PSTPIP2: variants seen among roughly 807,000 people sequenced by gnomAD.
The protein encoded by PSTPIP2 is proline-serine-threonine phosphatase interacting protein 2.
In PSTPIP2, 33 loss-of-function variants were observed where a neutral mutation model predicts 63.3. The observed-to-expected ratio is 0.52, with a 90% CI of 0.40 to 0.70. The LOEUF (loss-of-function observed/expected upper bound fraction) is 0.70, where lower values mean the gene tolerates loss of function less well. Ranked by LOEUF, PSTPIP2 falls within the 30% of genes least tolerant of loss-of-function variation. The pLI, the probability that PSTPIP2 is intolerant of heterozygous loss-of-function variation, is 0.00. For synonymous variants in PSTPIP2, 125 were observed against 132.7 expected (o/e 0.94, Z 0.40); for missense variants, 312 against 400.7 (o/e 0.78, Z 1.89).
chr18:46,039,357 A>T (rs1359432058), intron 2 of PSTPIP2, among the ~76,000 whole-genome samples: 1 of 152,154 alleles, frequency 6.6e-6, no homozygotes, highest in Admixed American at 6.5e-5. Context: ...GATCGGCTTC[A>T]CAGCTTTCCC....
At chr18:46,012,934 C>T (rs1555688464) in intron 4 of PSTPIP2, among the ~76,000 whole-genome samples, 2 of 152,160 alleles carry the variant, frequency 1.3e-5, no homozygotes, top group Non-Finnish European at 2.9e-5. Flanking sequence ...TATAATACTA[C>T]TTATGTATAT....
intron 2 of PSTPIP2, among the ~76,000 whole-genome samples, chr18:46,031,857 C>T (rs896020052): frequency 6.6e-6 from 1 of 152,020 alleles, no homozygotes; most frequent in Admixed American, 6.6e-5. Context: ...CTCCTAGAAC[C>T]CGGGAAGTAA....
At chr18:46,040,095 C>T in intron 1 of PSTPIP2, 48 bp from the exon 2 acceptor site, 1 of 1,431,670 alleles carries the variant, frequency 7.0e-7, no homozygotes, top group Non-Finnish European at 9.6e-7. Context: ...AAGGCAGCCC[C>T]CAAGGCCGGA....
At chr18:45,994,185 G>A (rs2051567909) in intron 9 of PSTPIP2, among the ~76,000 whole-genome samples, 1 of 151,942 alleles carries the variant, frequency 6.6e-6, no homozygotes, top group Admixed American at 6.6e-5. Flanking sequence ...CTTAAAAAAA[G>A]GGTTAAAATA....
chr18:45,991,830 GTC>G, intron 12 of PSTPIP2, 70 bp downstream of exon 12: 1 of 1,403,010 alleles, frequency 7.1e-7, no homozygotes, highest in Non-Finnish European at 9.9e-7. Context: ...ATTCTAACAT[GTC>G]TTAGAACATT....
intron 1 of PSTPIP2, 59 bp downstream of exon 1, chr18:46,072,097 G>A: frequency 6.6e-7 from 1 of 1,508,790 alleles, no homozygotes; most frequent in Non-Finnish European, 8.9e-7. Context: ...CCGCCGCGTT[G>A]GCCTCCCGCC....
chr18:46,013,158 A>T (rs984937712), intron 4 of PSTPIP2, among the ~76,000 whole-genome samples: 21 of 152,078 alleles, frequency 1.4e-4, no homozygotes, highest in African/African-American at 4.3e-4. Context: ...AAAATGATTT[A>T]GGGGACCCAG....
intron 1 of PSTPIP2, among the ~76,000 whole-genome samples, chr18:46,062,809 C>T (rs899472043): frequency 3.9e-5 from 6 of 152,072 alleles, no homozygotes; most frequent in South Asian, 4.1e-4. Flanking sequence ...GCCACCATCC[C>T]GGCAGGTAAA....
chr18:46,042,324 G>C (rs1908222659), intron 1 of PSTPIP2, among the ~76,000 whole-genome samples: 1 of 152,100 alleles, frequency 6.6e-6, no homozygotes, highest in South Asian at 2.1e-4. Flanking sequence ...GAAGCTCTCA[G>C]CAGCAGCTCT....
chr18:46,038,794 G>A (rs1280758222), intron 2 of PSTPIP2, among the ~76,000 whole-genome samples: 2 of 152,206 alleles, frequency 1.3e-5, no homozygotes, highest in African/African-American at 4.8e-5. Flanking sequence ...GGCTCAAGGA[G>A]ACAGGCCTCA....
At chr18:46,022,909 T>C (rs1216149126) in intron 3 of PSTPIP2, among the ~76,000 whole-genome samples, 5 of 152,122 alleles carry the variant, frequency 3.3e-5, no homozygotes, top group Admixed American at 1.3e-4. Flanking sequence ...ATGTGGTACA[T>C]ATACACCATG....
chr18:46,000,730 C>T (rs1202532484), intron 6 of PSTPIP2, among the ~76,000 whole-genome samples: 4 of 152,186 alleles, frequency 2.6e-5, no homozygotes, highest in Non-Finnish European at 5.9e-5. Flanking sequence ...CATGGTCTAT[C>T]GTGTGCTACC....
chr18:46,035,530 T>C (rs2144106677), intron 2 of PSTPIP2, among the ~76,000 whole-genome samples: 1 of 151,950 alleles, frequency 6.6e-6, no homozygotes, highest in Admixed American at 6.5e-5. Context: ...AAAGGAGGAC[T>C]TTCTAGGTGG....
At chr18:45,991,238 A>G (rs1435163175) in intron 12 of PSTPIP2, among the ~76,000 whole-genome samples, 2 of 152,226 alleles carry the variant, frequency 1.3e-5, no homozygotes, top group African/African-American at 2.4e-5. Context: ...TGAAAATTCA[A>G]AAGCTTAGAC....
chr18:46,070,471 T>C (rs1568236651), intron 1 of PSTPIP2, among the ~76,000 whole-genome samples: 3 of 152,232 alleles, frequency 2.0e-5, no homozygotes, highest in African/African-American at 2.4e-5. Context: ...GTGCTAAAAC[T>C]GTGGCTAAAT....
intron 2 of PSTPIP2, chr18:46,029,566 T>A (rs991246482): frequency 6.3e-6 from 5 of 790,412 alleles, no homozygotes; most frequent in Non-Finnish European, 1.2e-5. Context: ...TAATCAAGAT[T>A]CTTGTCTCGA....
chr18:46,068,737 A>G (rs1246856533), intron 1 of PSTPIP2, among the ~76,000 whole-genome samples: 2 of 152,154 alleles, frequency 1.3e-5, no homozygotes, highest in Admixed American at 6.5e-5. Flanking sequence ...AAGGACTTGA[A>G]TGTCCATGAA....
chr18:45,997,665 T>TC (rs1298138775), intron 9 of PSTPIP2, 84 bp downstream of exon 9: 926 of 29,618 alleles, frequency 0.031, 27 homozygotes, highest in African/African-American at 0.069. Context: ...CCTCCTCCCC[T>TC]CCCCCCCCCG....
At chr18:45,999,916 T>C (rs768247315) in intron 6 of PSTPIP2, among the ~76,000 whole-genome samples, 1 of 152,158 alleles carries the variant, frequency 6.6e-6, no homozygotes, top group African/African-American at 2.4e-5. Context: ...AGTGGGTGGA[T>C]TGCTTGAGCC....
Sources: allele counts gnomAD v4.1 joint callset (sites outside exome capture counted in the v4.1 genomes callset), GRCh38; gene constraint gnomAD v4.1.1; transcripts MANE v1.5; gene names NCBI Gene and HGNC (gene_info 2026-07-23, HGNC 2026-07-21).